The following ZC3H12B variants were observed in gnomAD, a reference collection of about 807,000 sequenced individuals.
ZC3H12B encodes zinc finger CCCH-type containing 12B.
Under a neutral mutation model 43.9 loss-of-function variants are expected in ZC3H12B, and 7 were observed. The observed-to-expected ratio is 0.16, with a 90% CI of 0.09 to 0.30. The LOEUF is 0.30. ZC3H12B is among the 10% of genes least tolerant of loss of function. The pLI, the probability that ZC3H12B is intolerant of heterozygous loss-of-function variation, is 1.00. For missense variants in ZC3H12B, 475 were observed against 670.2 expected, an observed-to-expected ratio of 0.71 and a Z score of 3.22; for synonymous variants, 222 against 241.7, an observed-to-expected ratio of 0.92 and a Z score of 0.76.
chrX:65,359,117 G>A, the ZC3H12B span, among the ~76,000 whole-genome samples: 9 of 110,363 alleles, frequency 8.2e-5, no homozygotes, highest in Non-Finnish European at 1.5e-4. Context: ...CTACAACATG[G>A]TTTATTGAAC....
the ZC3H12B span, among the ~76,000 whole-genome samples, chrX:65,053,989 T>A: frequency 8.9e-6 from 1 of 112,502 alleles, no homozygotes; most frequent in Non-Finnish European, 1.9e-5. Context: ...TTTGAGTTCA[T>A]TGTAGATTCT....
At chrX:65,399,768 T>A (rs2066742148) in intron 3 of ZC3H12B, among the ~76,000 whole-genome samples, 1 of 112,002 alleles carries the variant, frequency 8.9e-6, no homozygotes, top group Non-Finnish European at 1.9e-5. Flanking sequence ...TAGCCAAGAT[T>A]TGGAAGCAAC....
chrX:65,155,150 G>T, the ZC3H12B span, among the ~76,000 whole-genome samples: 1 of 109,747 alleles, frequency 9.1e-6, no homozygotes, highest in South Asian at 4.0e-4. Context: ...TAGAGACAGG[G>T]TTTCACCATG....
chrX:65,156,215 A>C, the ZC3H12B span, among the ~76,000 whole-genome samples: 1 of 110,526 alleles, frequency 9.0e-6, no homozygotes, highest in East Asian at 2.8e-4. Flanking sequence ...CTTTTAAGAC[A>C]GGGTCTTGCT....
intron 3 of ZC3H12B, among the ~76,000 whole-genome samples, chrX:65,460,434 C>A (rs1013261458): frequency 8.9e-6 from 1 of 111,971 alleles, no homozygotes; most frequent in Non-Finnish European, 1.9e-5. Flanking sequence ...GAGCTGGAGG[C>A]ATCACACTAC....
chrX:65,350,633 A>G, the ZC3H12B span, among the ~76,000 whole-genome samples: 1 of 112,307 alleles, frequency 8.9e-6, no homozygotes, highest in Non-Finnish European at 1.9e-5. Flanking sequence ...GCAAAGTCTC[A>G]GGATACAAAA....
the ZC3H12B span, among the ~76,000 whole-genome samples, chrX:65,145,729 C>T: frequency 6.3e-5 from 7 of 111,186 alleles, no homozygotes; most frequent in African/African-American, 2.0e-4. Flanking sequence ...ATGTATATTT[C>T]CTTCATTTAT....
the ZC3H12B span, among the ~76,000 whole-genome samples, chrX:65,111,391 GT>G: frequency 2.7e-5 from 3 of 110,950 alleles, no homozygotes; most frequent in African/African-American, 6.5e-5. Context: ...AGTTGAGGAA[GT>G]TCCCATGTAT....
the ZC3H12B span, among the ~76,000 whole-genome samples, chrX:65,165,630 C>T: frequency 8.9e-6 from 1 of 112,498 alleles, no homozygotes; most frequent in African/African-American, 3.2e-5. Flanking sequence ...TGAACTCATT[C>T]ATTTTCATGG....
the ZC3H12B span, among the ~76,000 whole-genome samples, chrX:65,142,484 T>C: frequency 8.9e-6 from 1 of 112,532 alleles, no homozygotes; most frequent in East Asian, 2.8e-4. Context: ...TGTTCCTTTT[T>C]CTGTGCAAAA....
intron 3 of ZC3H12B, among the ~76,000 whole-genome samples, chrX:65,432,499 G>A (rs2067174200): frequency 9.0e-6 from 1 of 111,609 alleles, no homozygotes; most frequent in African/African-American, 3.3e-5. Flanking sequence ...CATATATTAT[G>A]GCTCATGTGG....
At chrX:65,046,120 A>AT in the ZC3H12B span, among the ~76,000 whole-genome samples, 1 of 111,172 alleles carries the variant, frequency 9.0e-6, no homozygotes. Flanking sequence ...GGGCCCTAGG[A>AT]TTTTTGGAAT....
At chrX:65,459,402 A>C (rs1198120134) in intron 3 of ZC3H12B, among the ~76,000 whole-genome samples, 8 of 111,266 alleles carry the variant, frequency 7.2e-5, no homozygotes, top group Non-Finnish European at 7.5e-5. Flanking sequence ...GAGACACAAC[A>C]AAAAAACGGA....
chrX:65,407,766 C>CG (rs1471498237), intron 3 of ZC3H12B, among the ~76,000 whole-genome samples: 1 of 113,502 alleles, frequency 8.8e-6, no homozygotes, highest in African/African-American at 3.2e-5. Flanking sequence ...CGACTGAGGC[C>CG]GGGGGGTTGG....
At chrX:65,211,257 G>T in the ZC3H12B span, among the ~76,000 whole-genome samples, 1 of 108,983 alleles carries the variant, frequency 9.2e-6, no homozygotes, top group East Asian at 2.9e-4. Context: ...TCTGTAGGTT[G>T]CCTGTTCACT....
chrX:65,501,785 T>C lies in ZC3H12B; in HGVS notation c.1091-4T>C, dbSNP rs1467955915. On this transcript the variant is annotated splice_region_variant and splice_polypyrimidine_tract_variant and intron_variant, in intron 4 of 4. Transcript: ENST00000338957. The stretch of plus-strand genomic sequence containing the variant: ...GAGTCTTACCCCAAGGCATTATTTT[T>C]CAGGCAAAAAATGCACCTACGGCCA... 1.2e-5 allele frequency: 14 copies of C among 1,144,787 alleles called. No individual in the cohort carries two copies. The highest frequency in any genetic ancestry group is 1.6e-5 in the Non-Finnish European group (14 of 860,965). 94.3% of individuals were successfully genotyped at this position (1,144,787 alleles called of 1,213,427 possible). A position where few individuals can be genotyped will look rare whatever the true frequency, so the allele number is the denominator to read the frequency against.
At chrX:65,427,728 T>G (rs936065140) in intron 3 of ZC3H12B, among the ~76,000 whole-genome samples, 1 of 112,040 alleles carries the variant, frequency 8.9e-6, no homozygotes, top group African/African-American at 3.2e-5. Flanking sequence ...AGCTTGTCAT[T>G]CTGTGTCTTT....
chrX:65,436,466 T>A (rs1455157729), intron 3 of ZC3H12B, among the ~76,000 whole-genome samples: 1 of 112,159 alleles, frequency 8.9e-6, no homozygotes, highest in Non-Finnish European at 1.9e-5. Context: ...TTGGGTGAGG[T>A]GGATCTTCCT....
chrX:65,259,686 A>G, the ZC3H12B span, among the ~76,000 whole-genome samples: 1 of 112,291 alleles, frequency 8.9e-6, no homozygotes, highest in Non-Finnish European at 1.9e-5. Context: ...AACTAAAAGT[A>G]GATCTACTGT....
Sources: gnomAD v4.1 joint callset for allele counts (sites outside exome capture counted in the v4.1 genomes callset) on GRCh38, gnomAD v4.1.1 for gene constraint, MANE v1.5 for transcripts, NCBI Gene and HGNC (gene_info 2026-07-23, HGNC 2026-07-21) for gene names.